Variants in LUZP1 observed in about 807,000 individuals in gnomAD.
LUZP1 encodes leucine zipper protein 1.
Under a neutral mutation model 71.3 loss-of-function variants are expected in LUZP1, and 25 were observed. The ratio of observed to expected loss-of-function variants is 0.35; its 90% CI spans 0.26 to 0.49. The LOEUF is 0.49. Ranked by LOEUF, LUZP1 falls within the 20% of genes least tolerant of loss-of-function variation. The pLI, the probability that LUZP1 is intolerant of heterozygous loss-of-function variation, is 0.99. For synonymous variants in LUZP1, 481 were observed against 506.4 expected (o/e 0.95, Z 0.67); for missense variants, 1,142 against 1,300.8 (o/e 0.88, Z 1.88).
chr1:23,114,452 A>G (rs1260215226), intron 2 of LUZP1, among the ~76,000 whole-genome samples: 1 of 152,178 alleles, frequency 6.6e-6, no homozygotes, highest in Non-Finnish European at 1.5e-5. Flanking sequence ...GGGCTAAGGA[A>G]GTGCCAGCAG....
At chr1:23,125,194 A>G (rs1383797621) in intron 2 of LUZP1, among the ~76,000 whole-genome samples, 1 of 152,206 alleles carries the variant, frequency 6.6e-6, no homozygotes, top group Non-Finnish European at 1.5e-5. Flanking sequence ...CCTAGCAGAT[A>G]TGCTTACAAC....
exon 4 of LUZP1, chr1:23,091,999 T>C (rs1450690000): frequency 3.7e-6 from 6 of 1,614,096 alleles, no homozygotes; most frequent in Non-Finnish European, 5.1e-6. Flanking sequence ...GGTTTGATGA[T>C]GGCTCTAGAC....
At chr1:23,102,057 TATC>T (rs1477078322) in intron 3 of LUZP1, among the ~76,000 whole-genome samples, 3 of 152,062 alleles carry the variant, frequency 2.0e-5, no homozygotes, top group Non-Finnish European at 2.9e-5. Flanking sequence ...TAGCATATTG[TATC>T]ATCATACATA....
intron 3 of LUZP1, among the ~76,000 whole-genome samples, chr1:23,103,564 C>G (rs1289009348): frequency 6.6e-6 from 1 of 151,910 alleles, no homozygotes; most frequent in East Asian, 1.9e-4. Context: ...ATGACAGTCA[C>G]TTCCTCCCAA....
chr1:23,117,910 T>C (rs1644098597), intron 2 of LUZP1, among the ~76,000 whole-genome samples: 1 of 151,658 alleles, frequency 6.6e-6, no homozygotes, highest in Admixed American at 6.6e-5. Flanking sequence ...GCAAACATGG[T>C]GAAACCCTGT....
chr1:23,159,859 G>A lies in LUZP1; in HGVS notation c.-226+8907C>T, dbSNP rs572409524. ...AAATGAGCTGGGCATGGTGGCATGC[G>A]CCTGTAGTTCCAGCTACTCGGGAGG... On this transcript the variant is annotated intron_variant, in intron 2 of 4. Transcript: ENST00000302291. 7.5e-4 allele frequency among the ~76,000 whole-genome samples: 114 copies of A among 152,100 alleles called. 1 individual carries two copies. In the South Asian group the frequency reaches 7.9e-3, roughly 11 times the overall value.
At chr1:23,103,885 A>AGGGG (rs1557641276) in intron 3 of LUZP1, among the ~76,000 whole-genome samples, 1 of 4,460 alleles carries the variant, frequency 2.2e-4, no homozygotes, top group African/African-American at 1.0e-3. Context: ...GGAGGGAGAG[A>AGGGG]GGGAGAGAGG....
At chr1:23,147,297 A>G (rs1020485756) in intron 2 of LUZP1, among the ~76,000 whole-genome samples, 2 of 145,790 alleles carry the variant, frequency 1.4e-5, no homozygotes, top group Non-Finnish European at 3.0e-5. Context: ...AAAAATTAGC[A>G]AGGCATGGTG....
chr1:23,096,710 C>T (rs921002218), intron 3 of LUZP1, among the ~76,000 whole-genome samples: 1 of 152,142 alleles, frequency 6.6e-6, no homozygotes, highest in African/African-American at 2.4e-5. Flanking sequence ...CGGTGGCTCA[C>T]GCCTGTAATC....
intron 2 of LUZP1, among the ~76,000 whole-genome samples, chr1:23,155,518 T>C (rs1297646655): frequency 6.6e-6 from 1 of 152,210 alleles, no homozygotes; most frequent in Admixed American, 6.5e-5. Context: ...CTCATTAATA[T>C]CTACCCTAAT....
rs756195750 is a variant in LUZP1 at position 23,091,160 on chromosome 1, AAG to A, written c.3072+28_3072+29del. The A allele has an allele frequency of 2.3e-5, 36 of 1,562,944 alleles. No individual in the cohort carries two copies. In the East Asian group the frequency reaches 5.0e-4, roughly 22 times the overall value. ...GCAAAGAAGGAAAAGGGAGGGAGAA[AAG>A]AGAGAGGGGAGAGAGGCTGGAACTC... is the stretch of plus-strand genomic sequence containing the variant. On this transcript the variant is annotated intron_variant, in intron 4 of 4. Transcript: ENST00000302291.
Position 23,094,774 on chromosome 1 carries a change from C to T in LUZP1, c.-119-394G>A, listed in dbSNP as rs1643883912. ...ATAATGATGTCTACCGTATTTCTCC[C>T]CAGTGTTGTTCTGAGATAATATGTG... On this transcript the variant is annotated intron_variant, in intron 3 of 4. Coordinates refer to ENST00000302291, the Ensembl canonical transcript of LUZP1. This position sits in a 1 kb window ranked among gnomAD's most constrained non-coding sequence, Gnocchi z 4.7. Among the ~76,000 whole-genome samples the T allele has an allele frequency of 6.6e-6, 1 of 152,076 alleles. No homozygotes were observed. The highest frequency in any genetic ancestry group is 2.1e-4 in the South Asian group (1 of 4,812).
chr1:23,142,706 C>T (rs1182375121), intron 2 of LUZP1, among the ~76,000 whole-genome samples: 204 of 37,776 alleles, frequency 5.4e-3, no homozygotes, highest in Non-Finnish European at 7.7e-3. Context: ...TATATACACA[C>T]ACACACACAC....
chr1:23,124,963 G>A (rs1262018291), intron 2 of LUZP1, among the ~76,000 whole-genome samples: 1 of 152,192 alleles, frequency 6.6e-6, no homozygotes, highest in African/African-American at 2.4e-5. Flanking sequence ...GTACGAAAGT[G>A]TTGAGCTTGC....
intron 2 of LUZP1, among the ~76,000 whole-genome samples, chr1:23,119,106 T>C (rs1434399210): frequency 6.6e-6 from 1 of 152,174 alleles, no homozygotes; most frequent in East Asian, 1.9e-4. Flanking sequence ...TTGAATTGAC[T>C]TGATGCTAAT....
intron 2 of LUZP1, among the ~76,000 whole-genome samples, chr1:23,112,372 G>A (rs1034841770): frequency 2.0e-5 from 3 of 152,096 alleles, no homozygotes; most frequent in Non-Finnish European, 2.9e-5. Context: ...ATGTGTGTAC[G>A]TGTCTGTCTG....
intron 1 of LUZP1, among the ~76,000 whole-genome samples, chr1:23,176,720 A>T (rs1377445790): frequency 6.6e-6 from 1 of 152,206 alleles, no homozygotes; most frequent in East Asian, 1.9e-4. Flanking sequence ...AAGATCCAGT[A>T]GAAAGATCTG....
intron 3 of LUZP1, among the ~76,000 whole-genome samples, chr1:23,095,428 G>C (rs1643887316): frequency 6.6e-6 from 1 of 152,178 alleles, no homozygotes; most frequent in Admixed American, 6.5e-5. Flanking sequence ...TAGAAAGTAA[G>C]TGACATTCCA....
rs768722865 is a variant in LUZP1 at position 23,093,038 on chromosome 1, A to C, written c.1224T>G (p.Ala408=). ...TCAGAGAATAGTTTTCATTGTTGAG[A>C]GCAAACTCCCTGTTCCGGAGTCGTT... Residue 408 remains alanine (A), a synonymous_variant, in exon 4 of 5, where the codon GCT becomes GCG. Transcript: ENST00000302291. The surrounding 1 kb of genome is among the most constrained non-coding windows in gnomAD (Gnocchi z 4.2). 28 of 1,613,954 alleles carry C rather than the reference A, an allele frequency of 1.7e-5. No individual in the cohort carries two copies. In the East Asian group the frequency reaches 6.2e-4, roughly 36 times the overall value.
Sources: allele counts gnomAD v4.1 joint callset (sites outside exome capture counted in the v4.1 genomes callset), GRCh38; gene constraint gnomAD v4.1.1; non-coding constraint Gnocchi (gnomAD v3.1); transcripts MANE v1.5; gene names NCBI Gene and HGNC (gene_info 2026-07-23, HGNC 2026-07-21).